RAMP1: variants seen among roughly 807,000 people sequenced by gnomAD.
The protein encoded by RAMP1 is receptor activity modifying protein 1.
Under a neutral mutation model 8.2 loss-of-function variants are expected in RAMP1, and 7 were observed. The ratio of observed to expected loss-of-function variants is 0.85; its 90% confidence interval spans 0.49 to 1.60. The LOEUF (loss-of-function observed/expected upper bound fraction) is 1.60. Ranked by LOEUF, RAMP1 falls within the 40% of genes most tolerant of loss-of-function variation. RAMP1 has a pLI of 0.00. For missense variants in RAMP1, 192 were observed against 202.4 expected (o/e 0.95, Z 0.31); for synonymous variants, 92 against 84.7 (o/e 1.09, Z -0.47).
Position 237,911,519 on chromosome 2 carries a change from C to T in RAMP1, c.192-9C>T, listed in dbSNP as rs374772870. The stretch of plus-strand genomic sequence containing the variant: ...CCCAGGGTCTTACCACCTCCTCTTC[C>T]ATCCGCAGGAGCTACAGGGAGCTGG... On this transcript the variant is annotated splice_polypyrimidine_tract_variant and intron_variant, in intron 2 of 2. Transcript: ENST00000254661. The T allele has an allele frequency of 7.1e-5, 115 of 1,613,490 alleles. No individual in the cohort carries two copies. The highest frequency in any genetic ancestry group is 9.2e-5 in the Non-Finnish European group (109 of 1,179,686).
At chr2:237,901,699 C>T (rs77815260) in intron 2 of RAMP1, among the ~76,000 whole-genome samples, 9,862 of 152,110 alleles carry the variant, frequency 0.065, 443 homozygotes, top group African/African-American at 0.13. Context: ...AAGGTGTGGA[C>T]GGTGGGCTTG....
chr2:237,881,557 G>A (rs994257990), intron 2 of RAMP1, among the ~76,000 whole-genome samples: 10 of 152,230 alleles, frequency 6.6e-5, no homozygotes, highest in Middle Eastern at 3.2e-3. Flanking sequence ...TGGGGTGCCC[G>A]TTTCCCCAGA....
At chr2:237,875,335 G>A (rs193196512) in intron 1 of RAMP1, among the ~76,000 whole-genome samples, 9 of 152,260 alleles carry the variant, frequency 5.9e-5, no homozygotes, top group East Asian at 5.8e-4. Flanking sequence ...CTGTGCTGTC[G>A]GGAAGCAGCA....
chr2:237,900,466 T>TA (rs11387023), intron 2 of RAMP1, among the ~76,000 whole-genome samples: 127,487 of 152,152 alleles, frequency 0.84, 53,565 homozygotes, highest in East Asian at 0.94. Context: ...TGGCCTATAT[T>TA]GCTTCTAATA....
intron 2 of RAMP1, among the ~76,000 whole-genome samples, chr2:237,903,969 G>A (rs1369589158): frequency 6.6e-6 from 1 of 152,224 alleles, no homozygotes; most frequent in East Asian, 1.9e-4. Context: ...AAACTCCTAG[G>A]CTCAAGCAAT....
intron 1 of RAMP1, among the ~76,000 whole-genome samples, chr2:237,869,377 A>G (rs917413136): frequency 2.0e-5 from 3 of 152,146 alleles, no homozygotes; most frequent in Non-Finnish European, 2.9e-5. Context: ...CATCGCCACT[A>G]TCCATCCCTA....
At chr2:237,860,684 T>TGTG (rs2062124087) in intron 1 of RAMP1, among the ~76,000 whole-genome samples, 1 of 144,038 alleles carries the variant, frequency 6.9e-6, no homozygotes, top group South Asian at 2.4e-4. Flanking sequence ...GTTTCTGGTA[T>TGTG]GTGTGGCCTT....
At chr2:237,882,620 C>T (rs1195710264) in intron 2 of RAMP1, among the ~76,000 whole-genome samples, 2 of 152,336 alleles carry the variant, frequency 1.3e-5, no homozygotes, top group East Asian at 3.9e-4. Flanking sequence ...GATGTCCCTA[C>T]CAACCTGGTG....
At chr2:237,883,604 C>T (rs891630377) in intron 2 of RAMP1, among the ~76,000 whole-genome samples, 2 of 152,068 alleles carry the variant, frequency 1.3e-5, no homozygotes, top group Admixed American at 1.3e-4. Context: ...TTACTTAAGC[C>T]CAGGAGTGTG....
intron 2 of RAMP1, among the ~76,000 whole-genome samples, chr2:237,881,317 C>A (rs2062365573): frequency 6.6e-6 from 1 of 152,224 alleles, no homozygotes. Context: ...TCAGCCAGGG[C>A]AGAAGCCAAG....
chr2:237,877,111 G>A lies in RAMP1; in HGVS notation c.53-113G>A, dbSNP rs1379477570. On this transcript the variant is annotated intron_variant, in intron 1 of 2. Transcript: ENST00000254661. The surrounding 1 kb of genome is among the most constrained non-coding windows in gnomAD (Gnocchi z 4.4). Reference sequence around the variant, plus strand: ...GCCACAGTCGCCCTCTCCAGGGGTTGCTTAGAGGCCCCGTTCTCGTGGAGT... The same window carrying A: ...GCCACAGTCGCCCTCTCCAGGGGTTACTTAGAGGCCCCGTTCTCGTGGAGT... The A allele has an allele frequency of 1.5e-5, 20 of 1,375,636 alleles. No homozygotes were observed. Among genetic ancestry groups the A allele is most frequent in the Non-Finnish European group, 1.8e-5 (18 of 983,744 alleles). The allele number at this position is 1,375,636 out of a possible 1,614,324, so 85.2% of individuals were successfully genotyped here.
chr2:237,901,718 C>A (rs1472032086), intron 2 of RAMP1, among the ~76,000 whole-genome samples: 1 of 152,038 alleles, frequency 6.6e-6, no homozygotes, highest in Non-Finnish European at 1.5e-5. Flanking sequence ...TGGGCAGCGG[C>A]CAGGGTGTGG....
chr2:237,866,498 T>C (rs955571903), intron 1 of RAMP1, among the ~76,000 whole-genome samples: 1 of 152,060 alleles, frequency 6.6e-6, no homozygotes, highest in African/African-American at 2.4e-5. Context: ...CACTGCTGAG[T>C]AGGGGAGTGA....
chr2:237,890,263 G>A (rs181237480), intron 2 of RAMP1, among the ~76,000 whole-genome samples: 189 of 151,450 alleles, frequency 1.2e-3, no homozygotes, highest in African/African-American at 4.4e-3. Flanking sequence ...GTCCAGTGGT[G>A]TGATCTTGGC....
At chr2:237,904,370 G>A (rs943677484) in intron 2 of RAMP1, among the ~76,000 whole-genome samples, 3 of 152,134 alleles carry the variant, frequency 2.0e-5, no homozygotes, top group Non-Finnish European at 4.4e-5. Flanking sequence ...AGTGAGCTGA[G>A]ATCATGCCAC....
At chr2:237,874,210 G>A (rs1402262967) in intron 1 of RAMP1, among the ~76,000 whole-genome samples, 2 of 152,234 alleles carry the variant, frequency 1.3e-5, no homozygotes. Flanking sequence ...AGTAGGCTGG[G>A]GGCAGGCCGC....
At chr2:237,869,459 C>T (rs1036894707) in intron 1 of RAMP1, among the ~76,000 whole-genome samples, 28 of 152,328 alleles carry the variant, frequency 1.8e-4, no homozygotes, top group African/African-American at 6.3e-4. Context: ...TTTACCACCT[C>T]CCCCAGCCCC....
intron 2 of RAMP1, among the ~76,000 whole-genome samples, chr2:237,899,923 A>G (rs2062581132): frequency 6.6e-6 from 1 of 152,144 alleles, no homozygotes; most frequent in South Asian, 2.1e-4. Flanking sequence ...ATTAAAAAGA[A>G]AAAAAAAGAA....
intron 2 of RAMP1, among the ~76,000 whole-genome samples, chr2:237,898,731 A>G (rs527300541): frequency 1.3e-5 from 2 of 152,332 alleles, no homozygotes; most frequent in East Asian, 3.9e-4. Context: ...GTGGGAAGCT[A>G]CACTGCGTGG....
Sources: gnomAD v4.1 joint callset for allele counts (sites outside exome capture counted in the v4.1 genomes callset) on GRCh38, gnomAD v4.1.1 for gene constraint, Gnocchi (gnomAD v3.1) non-coding constraint, MANE v1.5 for transcripts, NCBI Gene and HGNC (gene_info 2026-07-23, HGNC 2026-07-21) for gene names.